NOX3: variants seen among roughly 807,000 people sequenced by gnomAD.
The protein encoded by NOX3 is NADPH oxidase catalytic subunit-like 3.
NOX3 carries 74 observed loss-of-function variants against 76.7 expected under a neutral mutation model. That is an observed-to-expected ratio of 0.96 (90% CI 0.80 to 1.17). NOX3 has a LOEUF of 1.17. NOX3 is among the 50% of genes most tolerant of loss of function. NOX3 has a pLI of 0.00. For synonymous variants in NOX3, 263 were observed against 261.1 expected (o/e 1.01, Z -0.07); for missense variants, 695 against 703.3 (o/e 0.99, Z 0.13).
intron 12 of NOX3, among the ~76,000 whole-genome samples, chr6:155,406,489 A>G (rs1300255017): frequency 1.3e-5 from 2 of 152,234 alleles, no homozygotes; most frequent in Admixed American, 1.3e-4. Context: ...GATAATAAAA[A>G]TAATAATAGC....
rs747086466 is a variant in NOX3, at chr6:155,436,373, AC to A, written c.798+44del. 4 of 1,610,338 alleles carry A rather than the reference AC, an allele frequency of 2.5e-6. No individual in the cohort carries two copies. In the South Asian group the frequency reaches 3.3e-5, roughly 13 times the overall value. On this transcript the variant is annotated intron_variant, in intron 7 of 13. Coordinates refer to ENST00000159060, the MANE Select transcript of NOX3 (RefSeq NM_015718.3). Reference sequence around the variant, plus strand: ...AAGCCTATAAAAACTCTGTATTTTAACTGTGGTGACATTTATTTTTAAAAGC... The same window carrying A: ...AAGCCTATAAAAACTCTGTATTTTAATGTGGTGACATTTATTTTTAAAAGC...
At chr6:155,444,687 T>C (rs113347794) in intron 4 of NOX3, among the ~76,000 whole-genome samples, 3 of 152,334 alleles carry the variant, frequency 2.0e-5, no homozygotes, top group Admixed American at 6.5e-5. Context: ...CCACAATGCA[T>C]GATAAGTGCT....
In NOX3 at chr6:155,405,177, A is replaced by G. The variant is rs569145573; in HGVS notation, c.1580+1953T>C. Among the ~76,000 whole-genome samples, 25 of 152,316 alleles carry G rather than the reference A, an allele frequency of 1.6e-4. 1 individual carries two copies. In the South Asian group the frequency reaches 5.2e-3, roughly 32 times the overall value. On this transcript the variant is annotated intron_variant, in intron 12 of 13. Coordinates refer to ENST00000159060, the MANE Select transcript of NOX3 (RefSeq NM_015718.3). ...AGAAATGCAAGGACTGAGGCTTTGA[A>G]GGATGCAAGACAATGGGAACATCGC...
In NOX3 at chr6:155,455,761, T is replaced by A. The variant is rs1422254458; in HGVS notation, c.40A>T (p.Ile14Leu). 1 of 1,612,816 alleles carries A rather than the reference T, an allele frequency of 6.2e-7. No homozygotes were observed. Among genetic ancestry groups the A allele is most frequent in the Non-Finnish European group, 8.5e-7 (1 of 1,178,916 alleles). ...ACAAAAATGATACTTACTACTAATA[T>A]GGTGGAGAGACCCTCATTCAAAATC... ...CWILNEGLST[I>L]LVLSWLGINF... The change falls in exon 1 of 14, where the codon ATA becomes TTA. Residue 14 changes from isoleucine (I) to leucine (L), a missense_variant. Coordinates refer to ENST00000159060, the MANE Select transcript of NOX3 (RefSeq NM_015718.3).
chr6:155,447,159 C>G (rs1441417084), intron 4 of NOX3, among the ~76,000 whole-genome samples: 1 of 151,790 alleles, frequency 6.6e-6, no homozygotes, highest in Non-Finnish European at 1.5e-5. Context: ...AATTCTTCTG[C>G]CTCAGCCTCT....
At chr6:155,408,246 A>G (rs1776490566) in intron 11 of NOX3, among the ~76,000 whole-genome samples, 2 of 152,116 alleles carry the variant, frequency 1.3e-5, no homozygotes, top group Admixed American at 1.3e-4. Context: ...TTGGCCTCCC[A>G]AATTGTTGGG....
chr6:155,426,984 C>CAT (rs1776762825), intron 9 of NOX3, among the ~76,000 whole-genome samples: 2 of 41,908 alleles, frequency 4.8e-5, no homozygotes, highest in Admixed American at 6.5e-4. Flanking sequence ...GACACTGTGG[C>CAT]GTGTGTGTGT....
chr6:155,418,317 A>G (rs1475663608), intron 10 of NOX3, among the ~76,000 whole-genome samples: 1 of 152,080 alleles, frequency 6.6e-6, no homozygotes, highest in Non-Finnish European at 1.5e-5. Flanking sequence ...GCTAGAGGGC[A>G]TTTTTCACCC....
chr6:155,403,576 A>G (rs1779262546), intron 12 of NOX3, among the ~76,000 whole-genome samples: 1 of 152,234 alleles, frequency 6.6e-6, no homozygotes, highest in South Asian at 2.1e-4. Flanking sequence ...GAGAGTTTGC[A>G]TAGCTACCGT....
At chr6:155,438,710 G>T (rs1056836402) in intron 6 of NOX3, among the ~76,000 whole-genome samples, 1 of 152,242 alleles carries the variant, frequency 6.6e-6, no homozygotes, top group Non-Finnish European at 1.5e-5. Context: ...ACCAAGGCAG[G>T]TGTGACTTCC....
rs751649689 is a variant in NOX3, at chr6:155,396,979, A to G, written c.1581-17T>C. On this transcript the variant is annotated splice_polypyrimidine_tract_variant and intron_variant, in intron 12 of 13. Transcript: ENST00000159060. ...ATACTGCTGCTGCAGTAGGGGTAAG[A>G]AAAGGAAATAAAATGTCACCAGGAG... is the stretch of plus-strand genomic sequence containing the variant. The G allele has an allele frequency of 1.3e-6, 2 of 1,592,196 alleles. No homozygotes were observed. Among genetic ancestry groups the G allele is most frequent in the East Asian group, 4.5e-5 (2 of 44,486 alleles).
intron 4 of NOX3, among the ~76,000 whole-genome samples, chr6:155,444,704 T>A (rs1246610755): frequency 1.3e-5 from 2 of 152,202 alleles, no homozygotes; most frequent in African/African-American, 2.4e-5. Flanking sequence ...TGCTTATTTA[T>A]GATGAAAAAA....
intron 6 of NOX3, among the ~76,000 whole-genome samples, 165 bp from the exon 7 acceptor site, chr6:155,436,712 A>G (rs1362453278): frequency 6.6e-6 from 1 of 152,246 alleles, no homozygotes; most frequent in African/African-American, 2.4e-5. Context: ...TTCTTTAAAA[A>G]TAAGCATTTA....
intron 1 of NOX3, among the ~76,000 whole-genome samples, chr6:155,455,352 A>G (rs76719568): frequency 0.047 from 7,170 of 152,274 alleles, 283 homozygotes; most frequent in African/African-American, 0.1. Flanking sequence ...AGTCAACTTT[A>G]AGTGATTTAA....
At chr6:155,441,059 G>T (rs564405741) in intron 5 of NOX3, among the ~76,000 whole-genome samples, 1 of 152,136 alleles carries the variant, frequency 6.6e-6, no homozygotes, top group Admixed American at 6.5e-5. Flanking sequence ...ACGGCTAAAC[G>T]GCCAGAATTC....
intron 7 of NOX3, 128 bp downstream of exon 7, chr6:155,436,290 T>C: frequency 9.6e-7 from 1 of 1,042,848 alleles, no homozygotes; most frequent in Non-Finnish European, 1.5e-6. Context: ...ATTTCTCCAT[T>C]AGCACACTTA....
At chr6:155,453,624 C>T (rs950444118) in intron 3 of NOX3, 136 bp from the exon 4 acceptor site, 7 of 679,534 alleles carry the variant, frequency 1.0e-5, no homozygotes, top group East Asian at 2.5e-5. Flanking sequence ...AAGTTAATGG[C>T]CATTAGTCAA....
At chr6:155,421,370 G>A (rs1016210301) in intron 10 of NOX3, among the ~76,000 whole-genome samples, 1 of 152,186 alleles carries the variant, frequency 6.6e-6, no homozygotes, top group African/African-American at 2.4e-5. Flanking sequence ...TCAAGGACCT[G>A]TCACTTGGAA....
chr6:155,426,986 T>TGTGCGTGTGC (rs199556445), intron 9 of NOX3, among the ~76,000 whole-genome samples: 83 of 84,354 alleles, frequency 9.8e-4, no homozygotes, highest in African/African-American at 4.4e-3. Context: ...CACTGTGGCG[T>TGTGCGTGTGC]GTGTGTGTGT....
Sources: allele counts gnomAD v4.1 joint callset (sites outside exome capture counted in the v4.1 genomes callset), GRCh38; gene constraint gnomAD v4.1.1; transcripts MANE v1.5; gene names NCBI Gene and HGNC (gene_info 2026-07-23, HGNC 2026-07-21).